The following EXOC1 variants were observed in gnomAD, a reference collection of about 807,000 sequenced individuals.
The protein encoded by EXOC1 is SEC3-like 1.
In EXOC1, 67 loss-of-function variants were observed where a neutral mutation model predicts 107.7. The observed-to-expected ratio is 0.62, with a 90% CI of 0.51 to 0.76. EXOC1 has a LOEUF of 0.76. Among genes scored for constraint, EXOC1 ranks in the 30% least tolerant of loss-of-function variants. EXOC1 has a pLI of 0.00. For synonymous variants in EXOC1, 348 were observed against 353.5 expected, an observed-to-expected ratio of 0.98 and a Z score of 0.17; for missense variants, 833 against 1,055.7, an observed-to-expected ratio of 0.79 and a Z score of 2.92.
chr4:55,862,889 T>A (rs1721605115), intron 3 of EXOC1, among the ~76,000 whole-genome samples: 1 of 152,038 alleles, frequency 6.6e-6, no homozygotes. Flanking sequence ...TCCATAAGTT[T>A]GTTTGTTTGT....
intron 10 of EXOC1, among the ~76,000 whole-genome samples, chr4:55,888,366 T>A (rs1054253087): frequency 3.3e-5 from 5 of 152,166 alleles, no homozygotes; most frequent in African/African-American, 9.7e-5. Context: ...TAGTTTTAAC[T>A]TTTCAGTGGT....
rs1486070741 is a variant in EXOC1 at position 55,904,338 on chromosome 4, A to T, written c.2533-5A>T. On this transcript the variant is annotated splice_polypyrimidine_tract_variant and splice_region_variant and intron_variant, in intron 18 of 18. Coordinates refer to ENST00000381295, the MANE Select transcript of EXOC1 (RefSeq NM_001024924.2). ...TAGCCTAATGACTTTTTTTTTTAAT[A>T]ATAGGTGGTGTGGCACTCCATGCAA... 12 of 1,584,658 alleles carry T rather than the reference A, an allele frequency of 7.6e-6. No homozygotes were observed. In the Admixed American group the frequency reaches 1.3e-4, roughly 17 times the overall value.
At position 55,864,398 on chromosome 4, in the gene EXOC1, T is replaced by C; in HGVS notation, c.415+12T>C. On this transcript the variant is annotated intron_variant, in intron 4 of 18. Coordinates refer to ENST00000381295, the MANE Select transcript of EXOC1 (RefSeq NM_001024924.2). The stretch of plus-strand genomic sequence containing the variant: ...ACAGCTTTTGGAAGGTAAAGTTAAA[T>C]AAAAATGTATATGTAAAATCAATTA... 6.3e-7 allele frequency: 1 copy of C among 1,585,776 alleles called. No homozygotes were observed. Among genetic ancestry groups the C allele is most frequent in the East Asian group, 2.3e-5 (1 of 44,360 alleles).
intron 17 of EXOC1, among the ~76,000 whole-genome samples, chr4:55,900,119 T>C (rs1290872170): frequency 2.0e-5 from 3 of 152,182 alleles, no homozygotes; most frequent in Non-Finnish European, 4.4e-5. Flanking sequence ...ATAATTGTAC[T>C]AGTATTCTAT....
intron 12 of EXOC1, 132 bp downstream of exon 12, chr4:55,890,518 G>C: frequency 2.7e-6 from 1 of 366,684 alleles, no homozygotes. Flanking sequence ...CTTTCCAACT[G>C]AATCGAATCT....
At chr4:55,883,208 G>T (rs1234688892) in intron 9 of EXOC1, 1 of 152,120 alleles carries the variant, frequency 6.6e-6, no homozygotes. Flanking sequence ...CAGAGGCTCA[G>T]TGAAACTAAA....
chr4:55,875,843 T>TA (rs1219752155), intron 8 of EXOC1: 1 of 959,826 alleles, frequency 1.0e-6, no homozygotes, highest in African/African-American at 1.8e-5. Context: ...AGTGGGCCAA[T>TA]AACTTGAGCC....
chr4:55,891,682 G>A (rs1365686510), intron 13 of EXOC1, among the ~76,000 whole-genome samples: 1 of 152,098 alleles, frequency 6.6e-6, no homozygotes, highest in Admixed American at 6.5e-5. Context: ...ATTAGTGGGG[G>A]GAGGAATGTC....
chr4:55,884,424 T>C (rs1019697840), intron 10 of EXOC1, among the ~76,000 whole-genome samples: 1 of 152,254 alleles, frequency 6.6e-6, no homozygotes, highest in Non-Finnish European at 1.5e-5. Context: ...TTTTCTCCCC[T>C]GCCAAAGGGC....
chr4:55,873,050 A>G (rs1722586458), intron 8 of EXOC1, among the ~76,000 whole-genome samples: 1 of 152,116 alleles, frequency 6.6e-6, no homozygotes, highest in Non-Finnish European at 1.5e-5. Context: ...TTAGTAATAA[A>G]TAGTAATATT....
chr4:55,871,065 T>G (rs1369047747), intron 6 of EXOC1, 36 bp from the exon 7 acceptor site: 1 of 1,601,394 alleles, frequency 6.2e-7, no homozygotes, highest in African/African-American at 1.3e-5. Flanking sequence ...TTTCCCAAAA[T>G]TACACATGCA....
intron 4 of EXOC1, chr4:55,867,000 T>C: frequency 1.9e-6 from 1 of 524,024 alleles, no homozygotes; most frequent in South Asian, 8.4e-5. Context: ...CAAATTTATT[T>C]TAAAAATCTA....
chr4:55,901,422 A>C (rs1019752744), intron 17 of EXOC1, among the ~76,000 whole-genome samples: 2 of 152,162 alleles, frequency 1.3e-5, no homozygotes, highest in Non-Finnish European at 1.5e-5. Context: ...GTTTGTCAGC[A>C]TTAATTCTTT....
intron 10 of EXOC1, among the ~76,000 whole-genome samples, chr4:55,888,094 T>A (rs890612757): frequency 6.6e-6 from 1 of 152,222 alleles, no homozygotes; most frequent in African/African-American, 2.4e-5. Flanking sequence ...ATGATCTTTC[T>A]TCACCTTTCA....
At chr4:55,874,175 G>A (rs561307663) in intron 8 of EXOC1, among the ~76,000 whole-genome samples, 60 of 152,216 alleles carry the variant, frequency 3.9e-4, no homozygotes, top group African/African-American at 1.3e-3. Flanking sequence ...ACAGTTTATA[G>A]CAAATGTATA....
At chr4:55,858,588 T>C (rs1016853556) in intron 2 of EXOC1, 141 bp downstream of exon 2, 10 of 835,072 alleles carry the variant, frequency 1.2e-5, no homozygotes, top group Middle Eastern at 3.8e-4. Context: ...ACACTTGGCT[T>C]TGACAGGCTG....
chr4:55,877,105 A>T (rs1475447550), intron 8 of EXOC1: 12 of 976,962 alleles, frequency 1.2e-5, no homozygotes, highest in Non-Finnish European at 1.5e-5. Flanking sequence ...TAGGTGAAAG[A>T]AATCCCTTTT....
intron 7 of EXOC1, among the ~76,000 whole-genome samples, chr4:55,871,621 T>A (rs1311883060): frequency 6.6e-6 from 1 of 152,150 alleles, no homozygotes; most frequent in Non-Finnish European, 1.5e-5. Flanking sequence ...TGGGCTGAGA[T>A]TTTAGAATCC....
At chr4:55,861,118 G>T (rs1447481677) in intron 3 of EXOC1, among the ~76,000 whole-genome samples, 1 of 152,168 alleles carries the variant, frequency 6.6e-6, no homozygotes, top group East Asian at 1.9e-4. Context: ...GACCACCTAT[G>T]TTCCTGACAG....
Sources: allele counts gnomAD v4.1 joint callset (sites outside exome capture counted in the v4.1 genomes callset), GRCh38; gene constraint gnomAD v4.1.1; transcripts MANE v1.5; gene names NCBI Gene and HGNC (gene_info 2026-07-23, HGNC 2026-07-21).